The following ITPKB variants were observed in gnomAD, a reference collection of about 807,000 sequenced individuals.
ITPKB encodes inositol-trisphosphate 3-kinase B, also known as IP3 3-kinase B.
In ITPKB, 13 loss-of-function variants were observed where a neutral mutation model predicts 69.4. That is an observed-to-expected ratio of 0.19 (90% confidence interval 0.12 to 0.30). The LOEUF (loss-of-function observed/expected upper bound fraction) is 0.30, where lower values mean the gene tolerates loss of function less well. ITPKB is among the 10% of genes least tolerant of loss of function. The pLI is 1.00. For synonymous variants in ITPKB, 584 were observed against 513.7 expected, an observed-to-expected ratio of 1.14 and a Z score of -1.85; for missense variants, 1,240 against 1,250.5, an observed-to-expected ratio of 0.99 and a Z score of 0.13.
intron 2 of ITPKB, among the ~76,000 whole-genome samples, chr1:226,682,065 A>G (rs1656104962): frequency 6.6e-6 from 1 of 152,146 alleles, no homozygotes; most frequent in Admixed American, 6.5e-5. Flanking sequence ...TAGTCAAAGG[A>G]CCACCACTAG....
chr1:226,680,323 T>C (rs1396314867), intron 2 of ITPKB, among the ~76,000 whole-genome samples: 1 of 152,196 alleles, frequency 6.6e-6, no homozygotes, highest in Non-Finnish European at 1.5e-5. Context: ...CTGAAATTCC[T>C]TGAGGTTTGA....
rs373405167 is a variant in ITPKB at position 226,632,217 on chromosome 1, C to T, written c.*2454G>A. On this transcript the variant is annotated 3_prime_UTR_variant, in exon 8 of 8. Coordinates refer to ENST00000429204, the MANE Select transcript of ITPKB (RefSeq NM_002221.4). ...TGCTGAATGCCAGGAACTCGTGGGG[C>T]CCCCCGCAGGACAGGGCAAGAGGAC... is the stretch of plus-strand genomic sequence containing the variant. 5 of 152,532 alleles carry T rather than the reference C, an allele frequency of 3.3e-5. No homozygotes were observed. The highest frequency in any genetic ancestry group is 7.3e-5 in the Non-Finnish European group (5 of 68,044). 9.4% of individuals were successfully genotyped at this position (152,532 alleles called of 1,614,324 possible). A position where few individuals can be genotyped will look rare whatever the true frequency, so the allele number is the denominator to read the frequency against.
In ITPKB at chr1:226,632,529, A is replaced by C. The variant is rs1164634982; in HGVS notation, c.*2142T>G. ...ATACAAAAAAAGAGAAAAAAAAAACAGAAAACAAAAACCCTAAGTAACAGA... is the reference window on the plus strand; with the variant it reads ...ATACAAAAAAAGAGAAAAAAAAAACCGAAAACAAAAACCCTAAGTAACAGA... On this transcript the variant is annotated 3_prime_UTR_variant, in exon 8 of 8. Transcript: ENST00000429204. 1 of 151,908 alleles carries C rather than the reference A, an allele frequency of 6.6e-6. No individual in the cohort carries two copies. Among genetic ancestry groups the C allele is most frequent in the Non-Finnish European group, 1.5e-5 (1 of 67,894 alleles). 9.4% of individuals were successfully genotyped at this position (151,908 alleles called of 1,614,324 possible). A position where few individuals can be genotyped will look rare whatever the true frequency, so the allele number is the denominator to read the frequency against.
At chr1:226,660,752 G>T (rs774381357) in intron 2 of ITPKB, among the ~76,000 whole-genome samples, 1 of 152,222 alleles carries the variant, frequency 6.6e-6, no homozygotes, top group South Asian at 2.1e-4. Flanking sequence ...AGGAAACAGG[G>T]AGTGGCCAAA....
intron 2 of ITPKB, chr1:226,676,148 TGC>T (rs1026457195): frequency 5.9e-5 from 9 of 152,238 alleles, no homozygotes; most frequent in Admixed American, 2.6e-4. Flanking sequence ...AACATCTGGC[TGC>T]TGTATGATGC....
At chr1:226,677,106 G>A (rs1669748489) in intron 2 of ITPKB, among the ~76,000 whole-genome samples, 1 of 152,190 alleles carries the variant, frequency 6.6e-6, no homozygotes, top group Non-Finnish European at 1.5e-5. Context: ...CTAAGATCTT[G>A]AGGCCAAAGG....
At chr1:226,710,482 C>A (rs748609732) in intron 2 of ITPKB, among the ~76,000 whole-genome samples, 7 of 152,174 alleles carry the variant, frequency 4.6e-5, no homozygotes, top group Non-Finnish European at 8.8e-5. Context: ...TACAGTGTTT[C>A]TTATTTGCTG....
chr1:226,727,228 A>T (rs955939773), intron 2 of ITPKB, among the ~76,000 whole-genome samples: 1 of 152,264 alleles, frequency 6.6e-6, no homozygotes, highest in East Asian at 1.9e-4. Context: ...GACAAACACC[A>T]GCTCCTATTC....
intron 7 of ITPKB, among the ~76,000 whole-genome samples, 169 bp from the exon 8 acceptor site, chr1:226,635,055 G>C (rs1048115893): frequency 7.9e-5 from 12 of 152,278 alleles, no homozygotes; most frequent in African/African-American, 2.6e-4. Context: ...CCCAAGAATG[G>C]CCATGCCTGG....
chr1:226,664,199 A>T (rs1186257568), intron 2 of ITPKB, among the ~76,000 whole-genome samples: 2 of 152,234 alleles, frequency 1.3e-5, no homozygotes, highest in East Asian at 3.8e-4. Flanking sequence ...GTTATCTGAA[A>T]AATGTATTCT....
Position 226,644,167 on chromosome 1 carries a change from G to A in ITPKB, c.2247-2042C>T, listed in dbSNP as rs760662643. On this transcript the variant is annotated intron_variant, in intron 4 of 7. Coordinates refer to ENST00000429204, the MANE Select transcript of ITPKB (RefSeq NM_002221.4). ...AAAAAGGGCCCCCGTGGCTCAAAGCGGGCAGTCACTCACTGCCCAGGAGAG... is the reference window on the plus strand; with the variant it reads ...AAAAAGGGCCCCCGTGGCTCAAAGCAGGCAGTCACTCACTGCCCAGGAGAG... Among the ~76,000 whole-genome samples, 24 of 152,224 alleles carry A rather than the reference G, an allele frequency of 1.6e-4. No homozygotes were observed. The South Asian group carries it at 1.9e-3, about 12-fold the overall frequency.
intron 2 of ITPKB, among the ~76,000 whole-genome samples, chr1:226,690,231 A>G (rs549850055): frequency 2.6e-4 from 39 of 152,350 alleles, no homozygotes; most frequent in Non-Finnish European, 4.4e-4. Context: ...CACTCACACC[A>G]ACAGTGTATA....
chr1:226,724,730 G>A (rs1657355592), intron 2 of ITPKB, among the ~76,000 whole-genome samples: 1 of 152,180 alleles, frequency 6.6e-6, no homozygotes, highest in Non-Finnish European at 1.5e-5. Flanking sequence ...TCTATAACGT[G>A]TACTAAGCAG....
At chr1:226,656,209 C>T (rs1004462344) in intron 2 of ITPKB, among the ~76,000 whole-genome samples, 2 of 152,160 alleles carry the variant, frequency 1.3e-5, no homozygotes, top group Admixed American at 1.3e-4. Context: ...CTCTTTAACA[C>T]AAGAAAGGGA....
At chr1:226,635,072 G>A (rs908665979) in intron 7 of ITPKB, among the ~76,000 whole-genome samples, 186 bp from the exon 8 acceptor site, 5 of 152,180 alleles carry the variant, frequency 3.3e-5, no homozygotes, top group Admixed American at 3.3e-4. Context: ...CTGGGCAGAG[G>A]GCATCGGGTT....
intron 2 of ITPKB, among the ~76,000 whole-genome samples, chr1:226,690,708 G>A (rs772540706): frequency 5.4e-4 from 82 of 152,282 alleles, no homozygotes; most frequent in Non-Finnish European, 8.2e-4. Flanking sequence ...ACACAGGACC[G>A]TCAATTCAAC....
intron 2 of ITPKB, among the ~76,000 whole-genome samples, chr1:226,693,624 T>C (rs187180826): frequency 1.3e-5 from 2 of 152,246 alleles, no homozygotes; most frequent in Non-Finnish European, 2.9e-5. Flanking sequence ...TTCTACTCTA[T>C]CATATTCTAT....
rs1669081378 is a variant in ITPKB, at chr1:226,647,271, G to A, written c.2142C>T (p.Ala714=). 1 of 1,614,214 alleles carries A rather than the reference G, an allele frequency of 6.2e-7. No individual in the cohort carries two copies. Among genetic ancestry groups the A allele is most frequent in the South Asian group, 1.1e-5 (1 of 91,090 alleles). The change falls in exon 4 of 8, where the codon GCC becomes GCT. Residue 714 remains alanine (A), a synonymous_variant. Coordinates refer to ENST00000429204, the MANE Select transcript of ITPKB (RefSeq NM_002221.4). Reference sequence around the variant, plus strand: ...CGTCCTTCACCACATCCCCATGGTAGGCAGGTACGAAGGGCCTCAGCACAT... The same window carrying A: ...CGTCCTTCACCACATCCCCATGGTAAGCAGGTACGAAGGGCCTCAGCACAT... ...MVDVLRPFVP[A]YHGDVVKDGE...
intron 2 of ITPKB, among the ~76,000 whole-genome samples, chr1:226,682,597 A>C (rs1488842066): frequency 6.6e-6 from 1 of 152,228 alleles, no homozygotes; most frequent in Non-Finnish European, 1.5e-5. Context: ...TGCCTGGCAC[A>C]TACAAGGTCT....
Sources: gnomAD v4.1 joint callset for allele counts (sites outside exome capture counted in the v4.1 genomes callset) on GRCh38, gnomAD v4.1.1 for gene constraint, MANE v1.5 for transcripts, NCBI Gene and HGNC (gene_info 2026-07-23, HGNC 2026-07-21) for gene names.